Variants in NAV2 observed in about 807,000 individuals in gnomAD.
NAV2 encodes helicase, APC down-regulated 1.
A neutral mutation model predicts 223.2 loss-of-function variants in NAV2; 54 were observed. The observed-to-expected ratio is 0.24, with a 90% CI of 0.19 to 0.30. The LOEUF (loss-of-function observed/expected upper bound fraction) is 0.30, where lower values mean the gene tolerates loss of function less well. Ranked by LOEUF, NAV2 falls within the 10% of genes least tolerant of loss-of-function variation. The pLI is 1.00. For missense variants in NAV2, 2,806 were observed against 3,147.5 expected (o/e 0.89, Z 2.60); for synonymous variants, 1,279 against 1,239.3 (o/e 1.03, Z -0.67).
chr11:20,114,572 C>A lies in NAV2; in HGVS notation c.6961-20C>A. 6.2e-7 allele frequency: 1 copy of A among 1,612,910 alleles called. No individual in the cohort carries two copies. Among genetic ancestry groups the A allele is most frequent in the South Asian group, 1.1e-5 (1 of 91,044 alleles). ...AGATCTGGGCCACTTCCAGACTGTTCCTTCTTTGCCTGTTTTCAGCTCTAT... is the reference window on the plus strand; with the variant it reads ...AGATCTGGGCCACTTCCAGACTGTTACTTCTTTGCCTGTTTTCAGCTCTAT... On this transcript the variant is annotated intron_variant, in intron 36 of 37. Coordinates refer to ENST00000349880, the MANE Select transcript of NAV2 (RefSeq NM_145117.5).
upstream of NAV2, among the ~76,000 whole-genome samples, chr11:19,710,329 G>A (rs373843175): frequency 4.3e-4 from 65 of 152,252 alleles, 1 homozygote; most frequent in South Asian, 0.011. Flanking sequence ...GAACTTACTC[G>A]GAAAGCAGAA....
intron 11 of NAV2, among the ~76,000 whole-genome samples, chr11:19,990,979 A>G (rs2153464375): frequency 6.6e-6 from 1 of 152,188 alleles, no homozygotes; most frequent in African/African-American, 2.4e-5. Flanking sequence ...CTCACTCTCC[A>G]TGTCACTTAA....
At chr11:19,483,399 T>C (rs959188182) in intron 1 of NAV2, among the ~76,000 whole-genome samples, 16 of 152,148 alleles carry the variant, frequency 1.1e-4, no homozygotes, top group African/African-American at 3.9e-4. Flanking sequence ...ACTGTCATGG[T>C]ATTGTTGTGC....
chr11:19,746,539 C>T (rs749131262), intron 1 of NAV2, among the ~76,000 whole-genome samples: 4 of 152,022 alleles, frequency 2.6e-5, no homozygotes, highest in Admixed American at 1.3e-4. Flanking sequence ...ATGAGGAGAA[C>T]GCTAGAAGGG....
chr11:19,867,622 T>G (rs2062179674), intron 3 of NAV2, among the ~76,000 whole-genome samples: 1 of 43,824 alleles, frequency 2.3e-5, no homozygotes, highest in Non-Finnish European at 4.9e-5. Context: ...AGAAAATGTC[T>G]TCCAGATGAG....
At chr11:19,736,298 GCTTT>G (rs1488657278) in intron 1 of NAV2, among the ~76,000 whole-genome samples, 1 of 152,180 alleles carries the variant, frequency 6.6e-6, no homozygotes, top group Non-Finnish European at 1.5e-5. Context: ...ATTAAAAATA[GCTTT>G]CTTTCAAGAA....
Position 19,627,912 on chromosome 11 carries a change from CA to C in NAV2, c.76-204556del, listed in dbSNP as rs72074806. Among the ~76,000 whole-genome samples the C allele has an allele frequency of 2.2e-3, 269 of 119,570 alleles. 4 individuals are homozygous for C. The highest frequency in any genetic ancestry group is 5.6e-3 in the African/African-American group (185 of 33,036). 78.4% of individuals were successfully genotyped at this position (119,570 alleles called of 152,430 possible). ...ACCTGAGCCTTAGTTTCCTTGTTTTCAAAAAAAAAAAAAAAAGAAGAAGAAG... is the reference window on the plus strand; with the variant it reads ...ACCTGAGCCTTAGTTTCCTTGTTTTCAAAAAAAAAAAAAAAGAAGAAGAAG... On this transcript the variant is annotated intron_variant, in intron 1 of 37. Coordinates refer to the NAV2 transcript ENST00000360655.
chr11:19,613,687 TG>T (rs2046709936), intron 1 of NAV2, among the ~76,000 whole-genome samples: 1 of 152,224 alleles, frequency 6.6e-6, no homozygotes, highest in Non-Finnish European at 1.5e-5. Context: ...CTTTTCATCG[TG>T]GGCAAGAACC....
At chr11:19,615,495 G>A (rs188073473) in intron 1 of NAV2, among the ~76,000 whole-genome samples, 1 of 151,562 alleles carries the variant, frequency 6.6e-6, no homozygotes, top group African/African-American at 2.4e-5. Flanking sequence ...AATGCATTTC[G>A]TATATGTATA....
chr11:19,909,222 C>G (rs922982973), intron 6 of NAV2, among the ~76,000 whole-genome samples: 8 of 152,146 alleles, frequency 5.3e-5, no homozygotes, highest in African/African-American at 1.9e-4. Context: ...GTCCTCCTTT[C>G]CCTGTATATA....
chr11:19,753,667 C>G (rs978200749), intron 1 of NAV2, among the ~76,000 whole-genome samples: 1 of 152,232 alleles, frequency 6.6e-6, no homozygotes, highest in Non-Finnish European at 1.5e-5. Context: ...TTCCTTTGTC[C>G]CCTGCTCCCA....
At chr11:20,043,029 A>C (rs2153580853) in intron 12 of NAV2, among the ~76,000 whole-genome samples, 1 of 152,224 alleles carries the variant, frequency 6.6e-6, no homozygotes, top group South Asian at 2.1e-4. Flanking sequence ...ACAAAATCCC[A>C]CAAGGGGAGC....
At chr11:19,646,137 T>C (rs2047810327) in intron 1 of NAV2, among the ~76,000 whole-genome samples, 1 of 152,190 alleles carries the variant, frequency 6.6e-6, no homozygotes, top group Non-Finnish European at 1.5e-5. Context: ...CAAATGGGGT[T>C]GAATGAGAGG....
rs955139238 is a variant in NAV2, at chr11:19,933,280, T to C, written c.1036T>C (p.Ser346Pro). 1.2e-6 allele frequency: 2 copies of C among 1,613,256 alleles called. No individual in the cohort carries two copies. The highest frequency in any genetic ancestry group is 2.7e-5 in the African/African-American group (2 of 74,850). ...CACCCCTACTAATTGCAGTACCTCC[T>C]CGGCCATCCCGCAGCCCGGTGCAGC... ...SSTPTNCSTS[S>P]AIPQPGAATK... is the part of the protein sequence containing the mutation. The change falls in exon 7 of 38, where the codon TCG becomes CCG. Residue 346 changes from serine (S) to proline (P), a missense_variant. Coordinates refer to ENST00000349880, the MANE Select transcript of NAV2 (RefSeq NM_145117.5). The surrounding 1 kb of genome is among the most constrained non-coding windows in gnomAD (Gnocchi z 4.3).
At chr11:19,671,212 G>A (rs1336103156) in intron 1 of NAV2, among the ~76,000 whole-genome samples, 3 of 152,152 alleles carry the variant, frequency 2.0e-5, no homozygotes, top group African/African-American at 4.8e-5. Context: ...TCTTGTTCTT[G>A]TCTCACCAAC....
rs138687080 is a variant in NAV2 at position 19,913,739 on chromosome 11, T to C, written c.932-19437T>C. 3.5e-3 allele frequency among the ~76,000 whole-genome samples: 476 copies of C among 136,420 alleles called. 16 individuals are homozygous for C. In the South Asian group the frequency reaches 0.066, roughly 19 times the overall value. 89.5% of individuals were successfully genotyped at this position (136,420 alleles called of 152,430 possible). On this transcript the variant is annotated intron_variant, in intron 6 of 37. Coordinates refer to ENST00000349880, the MANE Select transcript of NAV2 (RefSeq NM_145117.5). The stretch of plus-strand genomic sequence containing the variant: ...AGTAGCAATCACGCACTCTGGGCCT[T>C]AGATTCCTCCATCGCAGTGCTTCCT...
At chr11:20,033,152 G>A (rs2055956051) in intron 11 of NAV2, among the ~76,000 whole-genome samples, 1 of 152,202 alleles carries the variant, frequency 6.6e-6, no homozygotes. Context: ...ATCGGTCAGC[G>A]TACTTATTCT....
chr11:19,799,789 C>G (rs566876256), intron 1 of NAV2, among the ~76,000 whole-genome samples: 3 of 152,276 alleles, frequency 2.0e-5, no homozygotes, highest in South Asian at 4.2e-4. Flanking sequence ...CACCACCCCC[C>G]ACACCTGCCC....
At chr11:19,774,254 G>T (rs982125974) in intron 1 of NAV2, among the ~76,000 whole-genome samples, 3 of 152,198 alleles carry the variant, frequency 2.0e-5, no homozygotes, top group Non-Finnish European at 1.5e-5. Flanking sequence ...ATAGCTCATT[G>T]CAGCCTTGAA....
Sources: gnomAD v4.1 joint callset for allele counts (sites outside exome capture counted in the v4.1 genomes callset) on GRCh38, gnomAD v4.1.1 for gene constraint, Gnocchi (gnomAD v3.1) non-coding constraint, MANE v1.5 for transcripts, NCBI Gene and HGNC (gene_info 2026-07-23, HGNC 2026-07-21) for gene names.